The following SLIT2 variants were observed in gnomAD, a reference collection of about 807,000 sequenced individuals.
The protein encoded by SLIT2 is slit homolog 2 protein.
In SLIT2, 41 loss-of-function variants were observed where a neutral mutation model predicts 185.7. The ratio of observed to expected loss-of-function variants is 0.22; its 90% CI spans 0.17 to 0.29. SLIT2 has a LOEUF of 0.29. SLIT2 is among the 10% of genes least tolerant of loss of function. SLIT2 has a pLI of 1.00. For missense variants in SLIT2, 1,571 were observed against 1,909.0 expected (o/e 0.82, Z 3.30); for synonymous variants, 693 against 680.2 (o/e 1.02, Z -0.29).
In SLIT2 at chr4:20,339,817, T is replaced by A. The variant is rs1720814663; in HGVS notation, c.395+70936T>A. On this transcript the variant is annotated intron_variant, in intron 4 of 36. Transcript: ENST00000504154. Reference sequence around the variant, plus strand: ...GAAAGAAAGGGAAAGCAGTGTGATTTAAAAAAAAAAGAAAAAAATCTAATT... The same window carrying A: ...GAAAGAAAGGGAAAGCAGTGTGATTAAAAAAAAAAAGAAAAAAATCTAATT... 2.0e-5 allele frequency among the ~76,000 whole-genome samples: 3 copies of A among 148,712 alleles called. No individual in the cohort carries two copies. In the Admixed American group the frequency reaches 2.0e-4, roughly 10 times the overall value.
At chr4:20,515,098 C>A (rs1720085899) in intron 11 of SLIT2, among the ~76,000 whole-genome samples, 2 of 152,122 alleles carry the variant, frequency 1.3e-5, no homozygotes, top group South Asian at 4.1e-4. Flanking sequence ...AAGCATATGA[C>A]CTTTAGGACA....
chr4:20,610,079 T>A lies in SLIT2; in HGVS notation c.3759T>A (p.Ser1253=). 2 of 1,613,844 alleles carry A rather than the reference T, an allele frequency of 1.2e-6. No homozygotes were observed. The highest frequency in any genetic ancestry group is 1.7e-6 in the Non-Finnish European group (2 of 1,179,788). ...VELLALDQSL[S]LSVDGGNPKI... ...TACTTGCCTTGGATCAGAGTCTCTC[T>A]TTGTCCGTGGATGGTGGGAACCCCA... is the stretch of plus-strand genomic sequence containing the variant. The change falls in exon 34 of 37, where the codon TCT becomes TCA. Residue 1253 remains serine (S), a synonymous_variant. Coordinates refer to ENST00000504154, the MANE Select transcript of SLIT2 (RefSeq NM_004787.4).
chr4:20,590,892 T>G (rs1727464350), intron 30 of SLIT2, among the ~76,000 whole-genome samples: 1 of 152,222 alleles, frequency 6.6e-6, no homozygotes, highest in East Asian at 1.9e-4. Flanking sequence ...GGATTTATAC[T>G]TACCAGTTGG....
At chr4:20,507,942 T>C (rs1719356446) in intron 9 of SLIT2, among the ~76,000 whole-genome samples, 1 of 152,014 alleles carries the variant, frequency 6.6e-6, no homozygotes, top group Admixed American at 6.6e-5. Flanking sequence ...ATTGATTACA[T>C]TTTAAGCTTA....
chr4:20,330,590 C>T (rs968565997), intron 4 of SLIT2, among the ~76,000 whole-genome samples: 1 of 152,008 alleles, frequency 6.6e-6, no homozygotes, highest in African/African-American at 2.4e-5. Context: ...CATGAAGTGT[C>T]AAATACATAA....
intron 34 of SLIT2, among the ~76,000 whole-genome samples, chr4:20,614,177 C>T (rs1387936521): frequency 1.3e-5 from 2 of 152,042 alleles, no homozygotes; most frequent in Non-Finnish European, 2.9e-5. Flanking sequence ...TCGGCCGACA[C>T]AAAATAATTT....
intron 4 of SLIT2, among the ~76,000 whole-genome samples, chr4:20,299,031 T>C (rs1024477442): frequency 6.6e-6 from 1 of 152,228 alleles, no homozygotes; most frequent in Non-Finnish European, 1.5e-5. Context: ...AATATGTTTT[T>C]GTATATTGCA....
At chr4:20,256,419 A>G (rs1219286667) in intron 1 of SLIT2, among the ~76,000 whole-genome samples, 6 of 152,274 alleles carry the variant, frequency 3.9e-5, no homozygotes, top group South Asian at 2.1e-4. Context: ...CATACACAAA[A>G]CAAACGAAAA....
chr4:20,539,026 A>G (rs1032411854), intron 18 of SLIT2, among the ~76,000 whole-genome samples: 1 of 152,128 alleles, frequency 6.6e-6, no homozygotes, highest in Non-Finnish European at 1.5e-5. Flanking sequence ...TGCAGTGGCT[A>G]TTGATTCTTT....
chr4:20,534,638 G>A (rs142858349), intron 18 of SLIT2, among the ~76,000 whole-genome samples: 16 of 152,290 alleles, frequency 1.1e-4, no homozygotes, highest in African/African-American at 3.8e-4. Context: ...TAACCAAGAA[G>A]CAGTCCTTGG....
chr4:20,306,268 T>C (rs1315248791), intron 4 of SLIT2, among the ~76,000 whole-genome samples: 1 of 152,156 alleles, frequency 6.6e-6, no homozygotes, highest in African/African-American at 2.4e-5. Context: ...AGTTTTATTT[T>C]TAAATACACA....
intron 4 of SLIT2, among the ~76,000 whole-genome samples, chr4:20,381,824 T>C (rs1395265111): frequency 6.6e-6 from 1 of 152,052 alleles, no homozygotes; most frequent in African/African-American, 2.4e-5. Context: ...CTTCTCAATG[T>C]ATTTTATGAT....
intron 19 of SLIT2, 84 bp from the exon 20 acceptor site, chr4:20,541,369 C>A: frequency 1.8e-6 from 2 of 1,139,172 alleles, no homozygotes; most frequent in Non-Finnish European, 2.6e-6. Flanking sequence ...GCGGAAATAG[C>A]GTGGAGAAGG....
At chr4:20,509,205 C>T (rs920518781) in intron 9 of SLIT2, among the ~76,000 whole-genome samples, 9 of 151,116 alleles carry the variant, frequency 6.0e-5, no homozygotes, top group East Asian at 3.9e-4. Context: ...CAAATCCGGG[C>T]GGGAAAGTGG....
intron 30 of SLIT2, 21 bp downstream of exon 30, chr4:20,589,758 T>C: frequency 6.3e-7 from 1 of 1,583,766 alleles, no homozygotes; most frequent in South Asian, 1.1e-5. Context: ...AGCTACCTTT[T>C]TGCTCACAGT....
At chr4:20,351,568 A>T (rs560862974) in intron 4 of SLIT2, among the ~76,000 whole-genome samples, 30 of 152,200 alleles carry the variant, frequency 2.0e-4, no homozygotes, top group African/African-American at 6.7e-4. Context: ...AGGTTACTCA[A>T]TTATCATTAC....
chr4:20,458,086 T>G (rs2148724690), intron 4 of SLIT2, among the ~76,000 whole-genome samples: 1 of 92,128 alleles, frequency 1.1e-5, no homozygotes, highest in Non-Finnish European at 2.2e-5. Context: ...GTACACATTA[T>G]GCAAAAAAAA....
chr4:20,308,444 GAC>G (rs1293057103), intron 4 of SLIT2, among the ~76,000 whole-genome samples: 2 of 152,188 alleles, frequency 1.3e-5, no homozygotes, highest in South Asian at 2.1e-4. Context: ...GGTAAGGTCA[GAC>G]AGAAAATATA....
intron 34 of SLIT2, among the ~76,000 whole-genome samples, chr4:20,614,239 G>A (rs1183825939): frequency 6.6e-6 from 1 of 152,070 alleles, no homozygotes. Flanking sequence ...TTACCTAATG[G>A]GGAAGAAAAT....
Sources: allele counts gnomAD v4.1 joint callset (sites outside exome capture counted in the v4.1 genomes callset), GRCh38; gene constraint gnomAD v4.1.1; transcripts MANE v1.5; gene names NCBI Gene and HGNC (gene_info 2026-07-23, HGNC 2026-07-21).